VWA8: variants seen among roughly 807,000 people sequenced by gnomAD.
VWA8 encodes von Willebrand factor A domain-containing protein 8.
VWA8 carries 221 observed loss-of-function variants against 241.5 expected under a neutral mutation model. The observed-to-expected ratio is 0.91, with a 90% confidence interval of 0.82 to 1.02. The LOEUF is 1.02. Among genes scored for constraint, VWA8 ranks in the 50% least tolerant of loss-of-function variants. VWA8 has a pLI of 0.00. For missense variants in VWA8, 2,322 were observed against 2,328.7 expected (o/e 1.00, Z 0.06); for synonymous variants, 852 against 827.1 (o/e 1.03, Z -0.52).
At position 41,784,729 on chromosome 13, in the gene VWA8, T is replaced by TACAC. The variant is rs1555335120; in HGVS notation, c.2171-832_2171-829dup. 2.8e-3 allele frequency among the ~76,000 whole-genome samples: 168 copies of TACAC among 60,056 alleles called. 5 individuals carry two copies. The highest frequency in any genetic ancestry group is 5.6e-3 in the East Asian group (15 of 2,664). 39.4% of individuals were successfully genotyped at this position (60,056 alleles called of 152,430 possible). ...ATATATATATATATATATATATATA[T>TACAC]ACACACACATATATATATATATATA... On this transcript the variant is annotated intron_variant, in intron 18 of 44. Coordinates refer to ENST00000379310, the MANE Select transcript of VWA8 (RefSeq NM_015058.2).
In VWA8 at chr13:41,705,697, G is replaced by A. The variant is rs2045278745; in HGVS notation, c.3117-2286C>T. 2.0e-5 allele frequency among the ~76,000 whole-genome samples: 3 copies of A among 151,936 alleles called. No homozygotes were observed. In the South Asian group the frequency reaches 6.2e-4, roughly 32 times the overall value. ...TTTTTTTGTCTTTTTGACTTTGCTT[G>A]ATATTAATTTCTTCATTTGTGAAAT... On this transcript the variant is annotated intron_variant, in intron 26 of 44. Transcript: ENST00000379310.
At chr13:41,587,138 T>C (rs1182094743) in intron 42 of VWA8, among the ~76,000 whole-genome samples, 1 of 152,202 alleles carries the variant, frequency 6.6e-6, no homozygotes, top group African/African-American at 2.4e-5. Context: ...TGGAACGTGA[T>C]ACTGAAGCTT....
At chr13:41,830,506 G>T in intron 14 of VWA8, 23 bp downstream of exon 14, 1 of 1,546,088 alleles carries the variant, frequency 6.5e-7, no homozygotes, top group Non-Finnish European at 8.9e-7. Context: ...AATTAGCAAT[G>T]GGAGTAATGG....
intron 43 of VWA8, among the ~76,000 whole-genome samples, chr13:41,571,689 GGCTCGCT>G (rs1405919110): frequency 1.3e-5 from 2 of 152,152 alleles, no homozygotes; most frequent in East Asian, 3.9e-4. Flanking sequence ...GCGTGATCTC[GGCTCGCT>G]GCAACCTCCA....
chr13:41,891,695 G>A, intron 4 of VWA8, 108 bp from the exon 5 acceptor site: 1 of 1,186,378 alleles, frequency 8.4e-7, no homozygotes. Context: ...ATAGGGACCA[G>A]AAATCAATAA....
intron 17 of VWA8, among the ~76,000 whole-genome samples, chr13:41,789,543 C>T (rs1256103822): frequency 6.6e-6 from 1 of 152,194 alleles, no homozygotes; most frequent in African/African-American, 2.4e-5. Context: ...GATTCAGCTA[C>T]ACTCTGGGAA....
chr13:41,958,557 T>G (rs1878448233), intron 1 of VWA8, among the ~76,000 whole-genome samples: 1 of 152,224 alleles, frequency 6.6e-6, no homozygotes, highest in Non-Finnish European at 1.5e-5. Flanking sequence ...CTATTGCTAT[T>G]TGTAGTTTTA....
At chr13:41,899,077 G>T (rs377559814) in intron 4 of VWA8, among the ~76,000 whole-genome samples, 2 of 152,374 alleles carry the variant, frequency 1.3e-5, no homozygotes, top group East Asian at 3.9e-4. Context: ...CAAAGTGGGA[G>T]CCCAGGCAGA....
intron 21 of VWA8, among the ~76,000 whole-genome samples, chr13:41,738,675 G>C (rs1396970536): frequency 6.6e-6 from 1 of 152,046 alleles, no homozygotes; most frequent in East Asian, 1.9e-4. Flanking sequence ...TTTCCAGCTT[G>C]GTAAATTTTA....
Position 41,949,947 on chromosome 13 carries a change from G to C in VWA8, c.230C>G (p.Pro77Arg). The change falls in exon 2 of 45, where the codon CCA becomes CGA. Residue 77 changes from proline to arginine, a missense_variant. Pro to Arg is a moderately radical substitution (Grantham distance 103). Coordinates refer to ENST00000379310, the MANE Select transcript of VWA8 (RefSeq NM_015058.2). Reference sequence around the variant, plus strand: ...TAAATATTTCTTACTGTAGTTCTGTGGCACAAGTTCTGGATTCTTAGGAAT... The same window carrying C: ...TAAATATTTCTTACTGTAGTTCTGTCGCACAAGTTCTGGATTCTTAGGAAT... Reference protein sequence around the residue: ...LKIPKNPELVPQNYISDSLAQ... With the variant: ...LKIPKNPELVRQNYISDSLAQ... 1 of 1,583,916 alleles carries C rather than the reference G, an allele frequency of 6.3e-7. No individual in the cohort carries two copies. Among genetic ancestry groups the C allele is most frequent in the Non-Finnish European group, 8.6e-7 (1 of 1,160,742 alleles).
intron 2 of VWA8, among the ~76,000 whole-genome samples, chr13:41,925,238 ACCTG>A (rs1485806942): frequency 5.3e-5 from 8 of 152,232 alleles, no homozygotes; most frequent in Admixed American, 4.6e-4. Context: ...TCACCACTGG[ACCTG>A]CCTTACAAGA....
intron 41 of VWA8, among the ~76,000 whole-genome samples, chr13:41,589,308 A>G (rs2044439317): frequency 1.3e-5 from 2 of 152,188 alleles, no homozygotes; most frequent in Admixed American, 1.3e-4. Flanking sequence ...CTTATTTTCT[A>G]TATTTTTTTT....
In VWA8 at chr13:41,761,204, C is replaced by A; in HGVS notation, c.2350G>T (p.Gly784Cys). ...GEHLLLVGNQ[G>C]VGKNKIVDRF... is the part of the protein sequence containing the mutation. ...TCAACAATCTTGTTTTTTCCTACAC[C>A]CTGTAATTACACAGAAAACATTAAA... The change falls in exon 21 of 45, where the codon GGT becomes TGT. Residue 784 changes from glycine (G) to cysteine (C), a missense_variant and splice_region_variant. Physicochemically the swap from Gly to Cys is radical, Grantham distance 159 (BLOSUM62 -3). Coordinates refer to ENST00000379310, the MANE Select transcript of VWA8 (RefSeq NM_015058.2). 6.2e-7 allele frequency: 1 copy of A among 1,609,214 alleles called. No homozygotes were observed. Among genetic ancestry groups the A allele is most frequent in the South Asian group, 1.1e-5 (1 of 90,790 alleles).
At chr13:41,889,010 AATAAAAT>A (rs1373281803) in intron 5 of VWA8, among the ~76,000 whole-genome samples, 1 of 152,230 alleles carries the variant, frequency 6.6e-6, no homozygotes, top group Non-Finnish European at 1.5e-5. Flanking sequence ...AAAAATGTTA[AATAAAAT>A]ATAAAGTTCA....
At chr13:41,707,145 C>CT (rs1010879062) in intron 26 of VWA8, among the ~76,000 whole-genome samples, 1 of 152,078 alleles carries the variant, frequency 6.6e-6, no homozygotes, top group Non-Finnish European at 1.5e-5. Flanking sequence ...AAAAGGTTTT[C>CT]TTTTTTTAAA....
In VWA8 at chr13:41,841,106, G is replaced by C. The variant is rs188459202; in HGVS notation, c.1426-7575C>G. Among the ~76,000 whole-genome samples the C allele has an allele frequency of 2.8e-4, 43 of 152,264 alleles. No homozygotes were observed. The East Asian group carries it at 8.3e-3, about 29-fold the overall frequency. ...CAAGGACACACAGCTAGCAGGCAGA[G>C]GAGCCAGATTGTCCTCAAGTATATT... On this transcript the variant is annotated intron_variant, in intron 12 of 44. Transcript: ENST00000379310.
At chr13:41,886,333 T>C (rs1566494642) in intron 7 of VWA8, among the ~76,000 whole-genome samples, 1 of 152,086 alleles carries the variant, frequency 6.6e-6, no homozygotes, top group Non-Finnish European at 1.5e-5. Context: ...GAGTTTTTTA[T>C]GGCCCTAAAA....
intron 2 of VWA8, among the ~76,000 whole-genome samples, chr13:41,922,415 G>GAA (rs1876590639): frequency 1.3e-5 from 2 of 152,108 alleles, no homozygotes; most frequent in African/African-American, 2.4e-5. Context: ...AATGGCAACG[G>GAA]AAGCCAAAAT....
chr13:41,637,000 A>G (rs2044762191), intron 37 of VWA8, among the ~76,000 whole-genome samples: 3 of 150,948 alleles, frequency 2.0e-5, no homozygotes, highest in African/African-American at 7.4e-5. Flanking sequence ...TGTGGAAGTC[A>G]GTGTGGTGAT....
Sources: gnomAD v4.1 joint callset for allele counts (sites outside exome capture counted in the v4.1 genomes callset) on GRCh38, gnomAD v4.1.1 for gene constraint, MANE v1.5 for transcripts, NCBI Gene and HGNC (gene_info 2026-07-23, HGNC 2026-07-21) for gene names.